Variants in HPSE2 observed in about 807,000 individuals in gnomAD.
HPSE2 encodes inactive heparanase-2.
In HPSE2, 38 loss-of-function variants were observed where a neutral mutation model predicts 60.5. That is an observed-to-expected ratio of 0.63 (90% confidence interval 0.48 to 0.82). HPSE2 has a LOEUF of 0.82. Ranked by LOEUF, HPSE2 falls within the 40% of genes least tolerant of loss-of-function variation. The pLI is 0.00. For synonymous variants in HPSE2, 295 were observed against 293.2 expected (o/e 1.01, Z -0.06); for missense variants, 713 against 740.4 (o/e 0.96, Z 0.43).
At chr10:99,007,957 G>C (rs538112762) in intron 3 of HPSE2, among the ~76,000 whole-genome samples, 2 of 152,280 alleles carry the variant, frequency 1.3e-5, no homozygotes, top group East Asian at 3.9e-4. Context: ...TGCCCTGTAT[G>C]CATAATTCCA....
intron 3 of HPSE2, among the ~76,000 whole-genome samples, chr10:99,044,667 C>T (rs1957814242): frequency 7.0e-6 from 1 of 142,478 alleles, no homozygotes; most frequent in Non-Finnish European, 1.5e-5. Context: ...GAAACATTTA[C>T]CATGCAAACA....
intron 9 of HPSE2, among the ~76,000 whole-genome samples, chr10:98,515,350 T>C (rs1195167592): frequency 6.6e-6 from 1 of 152,176 alleles, no homozygotes; most frequent in Non-Finnish European, 1.5e-5. Flanking sequence ...TACCAAAGAA[T>C]CTTGGTTCAA....
intron 3 of HPSE2, among the ~76,000 whole-genome samples, chr10:98,891,722 T>C (rs1359048389): frequency 1.3e-5 from 2 of 152,048 alleles, no homozygotes; most frequent in Non-Finnish European, 2.9e-5. Flanking sequence ...CCTCAAAGCA[T>C]TGAGATTACA....
chr10:99,186,784 C>T (rs191920627), intron 2 of HPSE2, among the ~76,000 whole-genome samples: 1 of 152,066 alleles, frequency 6.6e-6, no homozygotes, highest in Admixed American at 6.6e-5. Flanking sequence ...ATGTCAAAAA[C>T]ATTTTTTTGT....
chr10:98,734,578 T>C (rs977113467), intron 4 of HPSE2, among the ~76,000 whole-genome samples: 4 of 152,170 alleles, frequency 2.6e-5, no homozygotes, highest in African/African-American at 7.2e-5. Context: ...TATTTAATTG[T>C]GGTTTTGATT....
chr10:99,164,461 T>C (rs984084297), intron 2 of HPSE2, among the ~76,000 whole-genome samples: 3 of 151,516 alleles, frequency 2.0e-5, no homozygotes, highest in Non-Finnish European at 2.9e-5. Context: ...CAGTCTCATC[T>C]TGTATTTTTC....
intron 3 of HPSE2, among the ~76,000 whole-genome samples, chr10:98,946,901 T>A (rs1280268865): frequency 1.3e-5 from 2 of 152,044 alleles, no homozygotes; most frequent in African/African-American, 4.8e-5. Context: ...GAGCAATTTG[T>A]CTCTCCAGTA....
chr10:98,675,923 G>C (rs778636429), intron 6 of HPSE2, among the ~76,000 whole-genome samples: 1 of 151,590 alleles, frequency 6.6e-6, no homozygotes, highest in Non-Finnish European at 1.5e-5. Context: ...CACAACTGTA[G>C]TTCCAGCTAC....
intron 3 of HPSE2, among the ~76,000 whole-genome samples, chr10:98,781,297 T>A (rs905218463): frequency 1.6e-5 from 2 of 122,464 alleles, no homozygotes; most frequent in Non-Finnish European, 3.4e-5. Context: ...CTTTTTTTTT[T>A]TTTTTTTTTA....
chr10:99,101,484 C>T (rs1287490631), intron 3 of HPSE2, among the ~76,000 whole-genome samples: 6 of 152,216 alleles, frequency 3.9e-5, no homozygotes, highest in East Asian at 1.9e-4. Context: ...CCCAGATTCA[C>T]AAAGCAAGTC....
upstream of HPSE2, among the ~76,000 whole-genome samples, chr10:99,237,186 T>C (rs1348414579): frequency 6.6e-6 from 1 of 152,178 alleles, no homozygotes; most frequent in Non-Finnish European, 1.5e-5. Flanking sequence ...GGCCCCACTT[T>C]CGGCTTCTTT....
At chr10:99,060,657 T>A (rs1958218313) in intron 3 of HPSE2, among the ~76,000 whole-genome samples, 3 of 46,490 alleles carry the variant, frequency 6.5e-5, no homozygotes, top group African/African-American at 2.8e-4. Context: ...AAACTCTGTC[T>A]CAAAAAAAAA....
intron 3 of HPSE2, among the ~76,000 whole-genome samples, chr10:99,086,392 G>A (rs200652400): frequency 2.7e-5 from 3 of 110,902 alleles, no homozygotes; most frequent in Non-Finnish European, 5.0e-5. Context: ...TCGCTCTGTC[G>A]CCCAGGCTGG....
At chr10:98,994,962 G>A (rs1451728856) in intron 3 of HPSE2, among the ~76,000 whole-genome samples, 1 of 152,182 alleles carries the variant, frequency 6.6e-6, no homozygotes, top group Non-Finnish European at 1.5e-5. Flanking sequence ...GACCTTAGTG[G>A]GTCTATGGTT....
chr10:98,774,041 G>GT (rs2134429390), intron 3 of HPSE2, among the ~76,000 whole-genome samples: 1 of 152,214 alleles, frequency 6.6e-6, no homozygotes, highest in Admixed American at 6.6e-5. Flanking sequence ...TCCAGTATGG[G>GT]TGACGGAGTG....
chr10:99,290,976 A>G, the HPSE2 span, among the ~76,000 whole-genome samples: 1 of 152,218 alleles, frequency 6.6e-6, no homozygotes, highest in Non-Finnish European at 1.5e-5. Context: ...AATCATTCAA[A>G]AAGACTTTTT....
intron 3 of HPSE2, among the ~76,000 whole-genome samples, chr10:98,867,761 T>C (rs1952626123): frequency 6.6e-6 from 1 of 152,026 alleles, no homozygotes; most frequent in Admixed American, 6.6e-5. Context: ...AACAGACGAA[T>C]GGATAAAGAA....
At chr10:98,776,960 G>A (rs1308520586) in intron 3 of HPSE2, among the ~76,000 whole-genome samples, 1 of 152,112 alleles carries the variant, frequency 6.6e-6, no homozygotes, top group Admixed American at 6.5e-5. Context: ...ATCTTACATA[G>A]GTGATAGAGA....
intron 11 of HPSE2, among the ~76,000 whole-genome samples, chr10:98,469,782 A>G (rs537748108): frequency 1.2e-4 from 18 of 152,214 alleles, no homozygotes; most frequent in Admixed American, 3.3e-4. Flanking sequence ...ACCCTTAGTG[A>G]TCTCATCCTG....
Sources: gnomAD v4.1 joint callset for allele counts (sites outside exome capture counted in the v4.1 genomes callset) on GRCh38, gnomAD v4.1.1 for gene constraint, MANE v1.5 for transcripts, NCBI Gene and HGNC (gene_info 2026-07-23, HGNC 2026-07-21) for gene names.